The following PTPN9 variants were observed in gnomAD, a reference collection of about 807,000 sequenced individuals.
The protein encoded by PTPN9 is tyrosine-protein phosphatase non-receptor type 9.
Under a neutral mutation model 69.8 loss-of-function variants are expected in PTPN9, and 26 were observed. That is an observed-to-expected ratio of 0.37 (90% CI 0.27 to 0.52). The LOEUF is 0.52. Among genes scored for constraint, PTPN9 ranks in the 20% least tolerant of loss-of-function variants. PTPN9 has a pLI of 0.91. For missense variants in PTPN9, 549 were observed against 740.3 expected, an observed-to-expected ratio of 0.74 and a Z score of 3.00; for synonymous variants, 274 against 272.5, an observed-to-expected ratio of 1.01 and a Z score of -0.05.
chr15:75,544,296 G>A, intron 1 of PTPN9, among the ~76,000 whole-genome samples: 1 of 152,172 alleles, frequency 6.6e-6, no homozygotes, highest in East Asian at 1.9e-4. Flanking sequence ...CACTTTGGAG[G>A]CCAAGGCAGG....
intron 8 of PTPN9, among the ~76,000 whole-genome samples, chr15:75,481,769 C>T (rs1238519400): frequency 4.0e-5 from 4 of 99,808 alleles, no homozygotes; most frequent in Non-Finnish European, 6.1e-5. Flanking sequence ...TCTGCCCGGC[C>T]GCCCCTACTG....
At chr15:75,540,274 T>C (rs180884688) in intron 1 of PTPN9, among the ~76,000 whole-genome samples, 5 of 152,056 alleles carry the variant, frequency 3.3e-5, no homozygotes, top group Admixed American at 6.6e-5. Context: ...TTAAAAATAA[T>C]GTGTGGCCGG....
chr15:75,505,783 G>C lies in PTPN9; in HGVS notation c.860C>G (p.Thr287Ser). ...SVHVPGPHAM[T>S]IQELVDYVNA... ...AACATAGTCCACCAACTCTTGGATG[G>C]TCATAGCATGGGGACCTGGAACATG... The change falls in exon 7 of 13, where the codon ACC becomes AGC. Residue 287 changes from threonine (T) to serine (S), a missense_variant. This residue lies in a region of PTPN9 where 457 missense variants were observed against 661.9 expected (regional missense o/e 0.69). Transcript: ENST00000618819. 1 of 1,614,036 alleles carries C rather than the reference G, an allele frequency of 6.2e-7. No individual in the cohort carries two copies.
Position 75,578,726 on chromosome 15 carries a change from CG to C in PTPN9, c.50del (p.Pro17ArgfsTer46), listed in dbSNP as rs1468922346. Reference protein sequence around the residue: ...PRPDMAPELTPEEEQATKQFL... With the variant: ...PRPDMAPELTXEEEQATKQFL... Reference sequence around the variant, plus strand: ...CGGGCCCGCTTACCTGCTCCTCCTCCGGGGTCAGCTCCGGCGCCATGTCGGG... The same window carrying C: ...CGGGCCCGCTTACCTGCTCCTCCTCCGGGTCAGCTCCGGCGCCATGTCGGG... On this transcript the variant is annotated frameshift_variant, in exon 1 of 13. Coordinates refer to ENST00000618819, the MANE Select transcript of PTPN9 (RefSeq NM_002833.4). LOFTEE classifies it high-confidence loss of function. The C allele has an allele frequency of 7.3e-7, 1 of 1,365,668 alleles. No individual in the cohort carries two copies. Among genetic ancestry groups the C allele is most frequent in the South Asian group, 1.6e-5 (1 of 60,626 alleles). 84.6% of individuals were successfully genotyped at this position (1,365,668 alleles called of 1,614,324 possible). A position where few individuals can be genotyped will look rare whatever the true frequency, so the allele number is the denominator to read the frequency against.
At chr15:75,565,036 G>A (rs2075120705) in intron 1 of PTPN9, among the ~76,000 whole-genome samples, 1 of 150,938 alleles carries the variant, frequency 6.6e-6, no homozygotes, top group Non-Finnish European at 1.5e-5. Flanking sequence ...GGGAGGCAGA[G>A]GTTGCAGTGA....
At chr15:75,476,604 C>T (rs1420985137) in intron 9 of PTPN9, among the ~76,000 whole-genome samples, 2 of 152,238 alleles carry the variant, frequency 1.3e-5, no homozygotes, top group African/African-American at 4.8e-5. Flanking sequence ...CTTGAGCCAC[C>T]GTGCCCGGCC....
chr15:75,504,787 C>G (rs1394194000), intron 7 of PTPN9, among the ~76,000 whole-genome samples: 1 of 133,982 alleles, frequency 7.5e-6, no homozygotes, highest in Non-Finnish European at 1.6e-5. Flanking sequence ...CCGCCCCGTC[C>G]GGGAGGGAGG....
intron 7 of PTPN9, among the ~76,000 whole-genome samples, chr15:75,505,165 C>T (rs1001676487): frequency 2.0e-5 from 3 of 151,024 alleles, no homozygotes; most frequent in African/African-American, 7.3e-5. Context: ...TACCCCCAAC[C>T]CTGTGCTCTC....
At chr15:75,543,322 AC>A (rs1186298241) in intron 1 of PTPN9, among the ~76,000 whole-genome samples, 2 of 152,040 alleles carry the variant, frequency 1.3e-5, no homozygotes, top group African/African-American at 4.8e-5. Context: ...CAGAGAAGGA[AC>A]CATACTACAT....
chr15:75,470,914 C>T, intron 10 of PTPN9, 84 bp from the exon 11 acceptor site: 1 of 1,499,044 alleles, frequency 6.7e-7, no homozygotes. Flanking sequence ...TGATATACCC[C>T]CAGGCAGCAA....
rs2075189040 is a variant in PTPN9 at position 75,579,250 on chromosome 15, A to G, written c.-474T>C. 1 of 152,060 alleles carries G rather than the reference A, an allele frequency of 6.6e-6. No individual in the cohort carries two copies. Among genetic ancestry groups the G allele is most frequent in the Non-Finnish European group, 1.5e-5 (1 of 68,018 alleles). 9.4% of individuals were successfully genotyped at this position (152,060 alleles called of 1,614,324 possible). ...CCGCCCAGCCGGGCCGTCCTCGCGGACGCTGGCCCTGCGACCTGCGCGGCT... is the reference window on the plus strand; with the variant it reads ...CCGCCCAGCCGGGCCGTCCTCGCGGGCGCTGGCCCTGCGACCTGCGCGGCT... On this transcript the variant is annotated 5_prime_UTR_variant, in exon 1 of 13. Transcript: ENST00000618819.
intron 4 of PTPN9, 49 bp from the exon 5 acceptor site, chr15:75,517,413 G>A: frequency 6.7e-7 from 1 of 1,497,000 alleles, no homozygotes; most frequent in Non-Finnish European, 9.3e-7. Context: ...GCAGATGGAT[G>A]AGGCAGGTTG....
intron 5 of PTPN9, chr15:75,513,122 C>T: frequency 2.6e-6 from 1 of 385,236 alleles, no homozygotes; most frequent in Non-Finnish European, 5.1e-6. Context: ...GCAGCAGGTA[C>T]CCCCAGACAG....
intron 4 of PTPN9, 100 bp downstream of exon 4, chr15:75,523,021 C>T: frequency 7.2e-7 from 1 of 1,397,708 alleles, no homozygotes. Flanking sequence ...CAGGGCACAT[C>T]CTAGGAGAAT....
At chr15:75,506,562 T>G (rs758644731) in intron 6 of PTPN9, among the ~76,000 whole-genome samples, 2 of 151,944 alleles carry the variant, frequency 1.3e-5, no homozygotes, top group Admixed American at 6.6e-5. Context: ...CAGCCTGGAG[T>G]GTAGTGGCGT....
At chr15:75,475,664 C>T (rs565347841) in intron 9 of PTPN9, among the ~76,000 whole-genome samples, 1 of 151,968 alleles carries the variant, frequency 6.6e-6, no homozygotes, top group Non-Finnish European at 1.5e-5. Flanking sequence ...TTCAGGAAAG[C>T]AGGGCAGTAC....
intron 1 of PTPN9, among the ~76,000 whole-genome samples, chr15:75,546,523 C>T (rs1269201087): frequency 6.6e-6 from 1 of 151,462 alleles, no homozygotes; most frequent in Non-Finnish European, 1.5e-5. Context: ...CATGCCTGTA[C>T]TCCCAGCTAC....
chr15:75,509,514 C>T (rs1223168213), intron 5 of PTPN9, among the ~76,000 whole-genome samples: 2 of 151,980 alleles, frequency 1.3e-5, no homozygotes, highest in Non-Finnish European at 2.9e-5. Flanking sequence ...CATGGTAAAA[C>T]CCATCACTAC....
At position 75,564,573 on chromosome 15, in the gene PTPN9, C is replaced by T. The variant is rs573758582; in HGVS notation, c.63+14141G>A. ...ATCGCGCCACTGACTCCAGCCTGGC[C>T]GACAGAGTGAGACTACGTCTCAAAA... On this transcript the variant is annotated intron_variant, in intron 1 of 12. Transcript: ENST00000618819. Among the ~76,000 whole-genome samples, 18 of 148,138 alleles carry T rather than the reference C, an allele frequency of 1.2e-4. No individual in the cohort carries two copies. In the South Asian group the frequency reaches 3.2e-3, roughly 26 times the overall value.
Sources: allele counts gnomAD v4.1 joint callset (sites outside exome capture counted in the v4.1 genomes callset), GRCh38; gene constraint gnomAD v4.1.1; regional missense constraint gnomAD v4.1.1; transcripts MANE v1.5; gene names NCBI Gene and HGNC (gene_info 2026-07-23, HGNC 2026-07-21).